The following GTF2A1L variants were observed in gnomAD, a reference collection of about 807,000 sequenced individuals.
GTF2A1L encodes general transcription factor IIA subunit 1 like, also known as TFIIA-alpha and beta-like factor.
In GTF2A1L, 48 loss-of-function variants were observed where a neutral mutation model predicts 49.7. The ratio of observed to expected loss-of-function variants is 0.97; its 90% CI spans 0.77 to 1.23. GTF2A1L has a LOEUF of 1.23. Ranked by LOEUF, GTF2A1L falls within the 50% of genes most tolerant of loss-of-function variation. The pLI is 0.00. For missense variants in GTF2A1L, 736 were observed against 564.8 expected (o/e 1.30, Z -3.07); for synonymous variants, 246 against 193.5 (o/e 1.27, Z -2.25).
intron 3 of GTF2A1L, among the ~76,000 whole-genome samples, chr2:48,625,770 A>T (rs1236103421): frequency 7.0e-6 from 1 of 142,716 alleles, no homozygotes; most frequent in African/African-American, 2.5e-5. Context: ...TTTTGTAGAG[A>T]CCAGGTTTTG....
At chr2:48,636,683 T>C (rs991576932) in intron 3 of GTF2A1L, among the ~76,000 whole-genome samples, 4 of 152,232 alleles carry the variant, frequency 2.6e-5, no homozygotes, top group African/African-American at 9.6e-5. Context: ...CTCAGTGGTT[T>C]GTATATTACA....
chr2:48,640,778 T>C (rs1316496155), intron 3 of GTF2A1L, among the ~76,000 whole-genome samples: 1 of 152,188 alleles, frequency 6.6e-6, no homozygotes, highest in Non-Finnish European at 1.5e-5. Context: ...TATATACTCA[T>C]TTAAAACTTA....
intron 6 of GTF2A1L, among the ~76,000 whole-genome samples, chr2:48,652,253 T>A (rs1677890587): frequency 2.6e-5 from 4 of 152,172 alleles, no homozygotes; most frequent in Admixed American, 2.0e-4. Flanking sequence ...CAAGGTAACA[T>A]AGAAGCTCTG....
chr2:48,634,720 G>T (rs1676785504), intron 3 of GTF2A1L, among the ~76,000 whole-genome samples: 1 of 152,154 alleles, frequency 6.6e-6, no homozygotes, highest in Non-Finnish European at 1.5e-5. Context: ...CTGAAAATAG[G>T]CCCCTAGTCT....
intron 1 of GTF2A1L, among the ~76,000 whole-genome samples, chr2:48,620,418 A>G (rs750545530): frequency 7.2e-5 from 11 of 152,214 alleles, no homozygotes; most frequent in Admixed American, 3.3e-4. Context: ...TTTAATGGTG[A>G]CTTCACAAGA....
chr2:48,648,103 CAG>C (rs1251111004), intron 6 of GTF2A1L, among the ~76,000 whole-genome samples: 6 of 152,036 alleles, frequency 3.9e-5, no homozygotes, highest in Non-Finnish European at 7.4e-5. Flanking sequence ...AAATGACAAT[CAG>C]AAACTATTTG....
intron 6 of GTF2A1L, among the ~76,000 whole-genome samples, chr2:48,658,394 CAA>C (rs1050009682): frequency 6.6e-6 from 1 of 152,090 alleles, no homozygotes; most frequent in African/African-American, 2.4e-5. Flanking sequence ...TTGACTTTGT[CAA>C]AGATCAGATG....
At chr2:48,649,269 C>A (rs545332703) in intron 6 of GTF2A1L, among the ~76,000 whole-genome samples, 1 of 152,034 alleles carries the variant, frequency 6.6e-6, no homozygotes, top group Non-Finnish European at 1.5e-5. Context: ...AATTTCATTC[C>A]TTTTTAAGGC....
chr2:48,658,072 G>C (rs1678278951), intron 6 of GTF2A1L, among the ~76,000 whole-genome samples: 1 of 152,140 alleles, frequency 6.6e-6, no homozygotes, highest in African/African-American at 2.4e-5. Flanking sequence ...TCTGTTGATA[G>C]TTTCTTTTGC....
intron 3 of GTF2A1L, among the ~76,000 whole-genome samples, chr2:48,636,102 T>C (rs2104137996): frequency 6.6e-6 from 1 of 152,290 alleles, no homozygotes; most frequent in East Asian, 1.9e-4. Context: ...TTCCATTAGA[T>C]TCTCATTTTC....
intron 6 of GTF2A1L, among the ~76,000 whole-genome samples, chr2:48,658,039 C>G (rs1678277412): frequency 6.6e-6 from 1 of 152,140 alleles, no homozygotes; most frequent in East Asian, 1.9e-4. Flanking sequence ...TGAATATTTT[C>G]TCTAATTCTG....
rs567813402 is a variant in GTF2A1L, at chr2:48,629,897, T to C, written c.247+8607T>C. Among the ~76,000 whole-genome samples, 4 of 144,514 alleles carry C rather than the reference T, an allele frequency of 2.8e-5. 1 individual carries two copies. The South Asian group carries it at 9.4e-4, about 34-fold the overall frequency. The allele number at this position is 144,514 out of a possible 152,430, so 94.8% of individuals were successfully genotyped here. A position where few individuals can be genotyped will look rare whatever the true frequency, so the allele number is the denominator to read the frequency against. On this transcript the variant is annotated intron_variant, in intron 3 of 8. Transcript: ENST00000403751. ...GAGTCCTTTCCCCGTTGCTTATTTT[T>C]GTCGACTTTGTCAAAGATCAGATGG...
At chr2:48,643,749 G>T (rs35979740) in intron 4 of GTF2A1L, among the ~76,000 whole-genome samples, 20,639 of 146,656 alleles carry the variant, frequency 0.14, 1,705 homozygotes, top group African/African-American at 0.23. Flanking sequence ...CCCAAGTCTG[G>T]AGTGCGGTGG....
In GTF2A1L at chr2:48,643,553, A is replaced by AT. The variant is rs1317882612; in HGVS notation, c.303+1104dup. 2.3e-4 allele frequency among the ~76,000 whole-genome samples: 35 copies of AT among 151,916 alleles called. 1 individual carries two copies. Among genetic ancestry groups the AT allele is most frequent in the Admixed American group, 5.9e-4 (9 of 15,228 alleles). ...CTCTGCCTTTGGAATTCAAACAAATATTTTTTTTCCTGTTAAAATAAGTAA... is the reference window on the plus strand; with the variant it reads ...CTCTGCCTTTGGAATTCAAACAAATATTTTTTTTTCCTGTTAAAATAAGTAA... On this transcript the variant is annotated intron_variant, in intron 4 of 8. Transcript: ENST00000403751.
intron 6 of GTF2A1L, among the ~76,000 whole-genome samples, chr2:48,667,871 G>A (rs1266659539): frequency 6.6e-6 from 1 of 152,146 alleles, no homozygotes; most frequent in Admixed American, 6.5e-5. Context: ...ATTGAGATGT[G>A]TATTATTGTA....
chr2:48,645,925 G>A (rs1677476048), intron 5 of GTF2A1L, among the ~76,000 whole-genome samples: 1 of 151,334 alleles, frequency 6.6e-6, no homozygotes, highest in Non-Finnish European at 1.5e-5. Context: ...TGGGATTACA[G>A]GCATGAGCCA....
intron 7 of GTF2A1L, among the ~76,000 whole-genome samples, 198 bp downstream of exon 7, chr2:48,670,180 G>T (rs1449308160): frequency 6.6e-6 from 1 of 152,118 alleles, no homozygotes; most frequent in African/African-American, 2.4e-5. Context: ...ATCATTTGAG[G>T]TTTGGAGTTC....
At chr2:48,658,466 T>C (rs928740858) in intron 6 of GTF2A1L, among the ~76,000 whole-genome samples, 23 of 152,232 alleles carry the variant, frequency 1.5e-4, no homozygotes, top group African/African-American at 5.5e-4. Flanking sequence ...TCTATGTGTC[T>C]GTTTTTGTAC....
chr2:48,653,789 T>C (rs1036128003), intron 6 of GTF2A1L, among the ~76,000 whole-genome samples: 1 of 151,728 alleles, frequency 6.6e-6, no homozygotes, highest in African/African-American at 2.4e-5. Context: ...AAAAATTAGC[T>C]GGGCATGGTG....
Sources: gnomAD v4.1 joint callset for allele counts (sites outside exome capture counted in the v4.1 genomes callset) on GRCh38, gnomAD v4.1.1 for gene constraint, MANE v1.5 for transcripts, NCBI Gene and HGNC (gene_info 2026-07-23, HGNC 2026-07-21) for gene names.